TMEM182: variants seen among roughly 807,000 people sequenced by gnomAD.
TMEM182 encodes transmembrane protein 182.
Under a neutral mutation model 26.8 loss-of-function variants are expected in TMEM182, and 20 were observed. The observed-to-expected ratio is 0.75, with a 90% CI of 0.53 to 1.09. The LOEUF (loss-of-function observed/expected upper bound fraction) is 1.09, where lower values mean the gene tolerates loss of function less well. Among genes scored for constraint, TMEM182 ranks in the 50% least tolerant of loss-of-function variants. TMEM182 has a pLI of 0.00. For synonymous variants in TMEM182, 109 were observed against 102.2 expected, an observed-to-expected ratio of 1.07 and a Z score of -0.40; for missense variants, 277 against 275.5, an observed-to-expected ratio of 1.01 and a Z score of -0.04.
Position 102,814,869 on chromosome 2 carries a change from T to C in TMEM182, c.591T>C (p.Tyr197=). Residue 197 remains tyrosine (Y), a synonymous_variant, in exon 5 of 5, where the codon TAT becomes TAC. Coordinates refer to ENST00000412401, the MANE Select transcript of TMEM182 (RefSeq NM_144632.5). ...TGGATTTCACCCCTTCTGTTCTGTA[T>C]GGCTGGTCATTTTTCCTGGCCCCAG... The part of the protein sequence containing the change: ...DCLDFTPSVL[Y]GWSFFLAPAG... 6.2e-7 allele frequency: 1 copy of C among 1,614,016 alleles called. No homozygotes were observed. The highest frequency in any genetic ancestry group is 1.1e-5 in the South Asian group (1 of 91,080).
At chr2:102,834,995 G>C (rs946347205) in intron 3 of TMEM182, among the ~76,000 whole-genome samples, 6 of 152,060 alleles carry the variant, frequency 3.9e-5, no homozygotes, top group Non-Finnish European at 8.8e-5. Flanking sequence ...TTCCTCCTTT[G>C]GAAATTAAGG....
intron 3 of TMEM182, among the ~76,000 whole-genome samples, chr2:102,839,556 C>T (rs1002481785): frequency 6.0e-5 from 9 of 150,814 alleles, no homozygotes; most frequent in African/African-American, 1.9e-4. Context: ...AAGATCTAAA[C>T]TTTAGATCCC....
intron 4 of TMEM182, among the ~76,000 whole-genome samples, chr2:102,798,806 C>G (rs183664826): frequency 6.6e-6 from 1 of 151,942 alleles, no homozygotes; most frequent in Non-Finnish European, 1.5e-5. Context: ...TGCCACTGCA[C>G]TTCAGCCTGG....
chr2:102,808,646 C>T (rs1298830337), intron 4 of TMEM182, among the ~76,000 whole-genome samples: 8 of 152,090 alleles, frequency 5.3e-5, no homozygotes, highest in African/African-American at 1.9e-4. Context: ...GGTATATTCC[C>T]AGTAGTTTCA....
upstream of TMEM182, among the ~76,000 whole-genome samples, chr2:102,760,544 C>T (rs1449437820): frequency 2.0e-5 from 3 of 152,100 alleles, no homozygotes; most frequent in Admixed American, 1.3e-4. Context: ...GACCCCTTAA[C>T]TTAAATCTAA....
At chr2:102,781,010 A>G (rs1255000352) in intron 3 of TMEM182, among the ~76,000 whole-genome samples, 1 of 152,218 alleles carries the variant, frequency 6.6e-6, no homozygotes, top group African/African-American at 2.4e-5. Flanking sequence ...CACCAGACCC[A>G]GTGCTGTTCC....
At chr2:102,817,683 T>A (rs943342363), downstream of TMEM182, 1 of 983,896 alleles carries the variant, frequency 1.0e-6, no homozygotes, top group Admixed American at 6.2e-5. Flanking sequence ...GGAGGAAGTG[T>A]CAGTGTTGGT....
intron 1 of TMEM182, among the ~76,000 whole-genome samples, chr2:102,742,787 C>T (rs2104628583): frequency 6.6e-6 from 1 of 152,138 alleles, no homozygotes; most frequent in South Asian, 2.1e-4. Flanking sequence ...TAGAAAAACT[C>T]CACCAACCTA....
At chr2:102,762,781 T>C (rs1680269911) in intron 2 of TMEM182, 95 bp downstream of exon 2, 1 of 1,000,812 alleles carries the variant, frequency 1.0e-6, no homozygotes, top group East Asian at 2.6e-5. Context: ...GACTGGATTG[T>C]GAGTTACAAA....
At chr2:102,754,640 T>C (rs1209279891) in intron 1 of TMEM182, among the ~76,000 whole-genome samples, 1 of 152,250 alleles carries the variant, frequency 6.6e-6, no homozygotes, top group African/African-American at 2.4e-5. Context: ...TGTTGAGCAA[T>C]GGCATGCTTG....
chr2:102,791,942 A>T (rs1459955234), intron 3 of TMEM182, among the ~76,000 whole-genome samples: 1 of 152,004 alleles, frequency 6.6e-6, no homozygotes, highest in Non-Finnish European at 1.5e-5. Context: ...TTGAAACAAT[A>T]TAAATCACTA....
At chr2:102,785,047 C>T (rs1342417045) in intron 3 of TMEM182, among the ~76,000 whole-genome samples, 3 of 152,114 alleles carry the variant, frequency 2.0e-5, no homozygotes, top group Non-Finnish European at 2.9e-5. Flanking sequence ...CCAACACCTC[C>T]GACAATATCA....
chr2:102,758,466 C>A (rs1216821182), upstream of TMEM182: 11 of 716,994 alleles, frequency 1.5e-5, no homozygotes, highest in Non-Finnish European at 2.6e-5. Context: ...CCTTTTACCT[C>A]CTCCATGGTA....
intron 3 of TMEM182, among the ~76,000 whole-genome samples, chr2:102,840,595 C>T (rs913696630): frequency 6.6e-6 from 1 of 151,934 alleles, no homozygotes. Flanking sequence ...AATAAAGAGC[C>T]AAGGAATTAA....
chr2:102,833,584 A>G (rs1033665348), intron 3 of TMEM182, among the ~76,000 whole-genome samples: 2 of 152,222 alleles, frequency 1.3e-5, no homozygotes, highest in African/African-American at 4.8e-5. Flanking sequence ...TACAATACCA[A>G]GAACTAAACT....
chr2:102,843,354 G>A (rs1573585964), intron 3 of TMEM182: 1 of 152,082 alleles, frequency 6.6e-6, no homozygotes, highest in Non-Finnish European at 1.5e-5. Flanking sequence ...ATAATTCTCG[G>A]TCATAATTTC....
At chr2:102,811,758 C>T (rs1682563191) in intron 4 of TMEM182, among the ~76,000 whole-genome samples, 2 of 152,176 alleles carry the variant, frequency 1.3e-5, no homozygotes, top group Non-Finnish European at 2.9e-5. Flanking sequence ...TGGGAGGCCC[C>T]ATCAAGCTGG....
intron 3 of TMEM182, among the ~76,000 whole-genome samples, chr2:102,777,856 T>C (rs1188982328): frequency 6.6e-6 from 1 of 151,730 alleles, no homozygotes; most frequent in East Asian, 1.9e-4. Flanking sequence ...GTTCATTCAA[T>C]TGTGGGCAAA....
downstream of TMEM182, among the ~76,000 whole-genome samples, chr2:102,821,286 A>G (rs1053386823): frequency 6.6e-6 from 1 of 152,170 alleles, no homozygotes; most frequent in African/African-American, 2.4e-5. Flanking sequence ...CCCACATCTC[A>G]TGTTGAATTA....
Sources: gnomAD v4.1 joint callset for allele counts (sites outside exome capture counted in the v4.1 genomes callset) on GRCh38, gnomAD v4.1.1 for gene constraint, MANE v1.5 for transcripts, NCBI Gene and HGNC (gene_info 2026-07-23, HGNC 2026-07-21) for gene names.